PHACTR1: variants seen among roughly 807,000 people sequenced by gnomAD.
PHACTR1 encodes the protein phosphatase and actin regulator 1, also known as RPEL repeat containing 1.
Under a neutral mutation model 69.2 loss-of-function variants are expected in PHACTR1, and 16 were observed. The ratio of observed to expected loss-of-function variants is 0.23; its 90% CI spans 0.16 to 0.35. The LOEUF (loss-of-function observed/expected upper bound fraction) is 0.35. PHACTR1 is among the 10% of genes least tolerant of loss of function. PHACTR1 has a pLI of 1.00. For missense variants in PHACTR1, 510 were observed against 734.7 expected, an observed-to-expected ratio of 0.69 and a Z score of 3.54; for synonymous variants, 312 against 284.5, an observed-to-expected ratio of 1.10 and a Z score of -0.97.
chr6:12,934,743 G>A (rs1789249586), intron 4 of PHACTR1, among the ~76,000 whole-genome samples: 1 of 152,070 alleles, frequency 6.6e-6, no homozygotes, highest in African/African-American at 2.4e-5. Flanking sequence ...GACTGGGGCA[G>A]GAGAATCGCT....
intron 4 of PHACTR1, among the ~76,000 whole-genome samples, chr6:13,043,222 T>C (rs1276874946): frequency 6.6e-6 from 1 of 152,010 alleles, no homozygotes; most frequent in Non-Finnish European, 1.5e-5. Context: ...AGGTCAGGGG[T>C]GCGAGACCAG....
chr6:13,216,353 A>G (rs1443539070), intron 8 of PHACTR1, among the ~76,000 whole-genome samples: 1 of 152,218 alleles, frequency 6.6e-6, no homozygotes, highest in Non-Finnish European at 1.5e-5. Context: ...AGTCTAAATA[A>G]TTATTGTATT....
chr6:12,824,395 C>T (rs1036052275), intron 4 of PHACTR1, among the ~76,000 whole-genome samples: 1 of 152,100 alleles, frequency 6.6e-6, no homozygotes, highest in Non-Finnish European at 1.5e-5. Flanking sequence ...CTTGAATCAT[C>T]CCAAAATCAT....
At chr6:12,964,643 T>C (rs1562064368) in intron 4 of PHACTR1, among the ~76,000 whole-genome samples, 1 of 152,146 alleles carries the variant, frequency 6.6e-6, no homozygotes. Flanking sequence ...AGAAGTGACA[T>C]GGTCAGAGTT....
chr6:12,791,060 T>C (rs547526724), intron 4 of PHACTR1, among the ~76,000 whole-genome samples: 14 of 152,312 alleles, frequency 9.2e-5, no homozygotes, highest in African/African-American at 2.9e-4. Flanking sequence ...TTATATGTCA[T>C]GCATTGGGAT....
At chr6:13,213,021 C>T (rs559942959) in intron 8 of PHACTR1, among the ~76,000 whole-genome samples, 27 of 152,274 alleles carry the variant, frequency 1.8e-4, no homozygotes, top group Non-Finnish European at 3.4e-4. Flanking sequence ...ATACAGTCCA[C>T]AAGGGCAGGA....
At chr6:13,237,387 A>T (rs996899265) in intron 10 of PHACTR1, among the ~76,000 whole-genome samples, 4 of 152,098 alleles carry the variant, frequency 2.6e-5, no homozygotes, top group Non-Finnish European at 4.4e-5. Context: ...TAAAAAAAAA[A>T]TGAGATAGGC....
At chr6:13,277,056 G>A (rs1779076494) in intron 11 of PHACTR1, among the ~76,000 whole-genome samples, 1 of 152,178 alleles carries the variant, frequency 6.6e-6, no homozygotes, top group Admixed American at 6.5e-5. Context: ...GACTTCCATA[G>A]TTTTTCCAAG....
intron 4 of PHACTR1, among the ~76,000 whole-genome samples, chr6:12,989,940 G>T (rs1053370732): frequency 2.0e-5 from 3 of 152,196 alleles, no homozygotes; most frequent in Non-Finnish European, 2.9e-5. Context: ...ACATTTCAGT[G>T]TTCTAAAGGA....
At chr6:12,946,366 G>A (rs1790672291) in intron 4 of PHACTR1, among the ~76,000 whole-genome samples, 1 of 152,134 alleles carries the variant, frequency 6.6e-6, no homozygotes, top group Non-Finnish European at 1.5e-5. Flanking sequence ...AGGGTGTCAT[G>A]TACTAACCTG....
intron 4 of PHACTR1, among the ~76,000 whole-genome samples, chr6:12,776,347 C>A (rs563593664): frequency 3.3e-5 from 5 of 152,188 alleles, no homozygotes; most frequent in Non-Finnish European, 7.3e-5. Context: ...AGAAAATAAT[C>A]TTTCTACTTG....
intron 3 of PHACTR1, among the ~76,000 whole-genome samples, chr6:12,724,659 G>T (rs906980933): frequency 5.3e-5 from 8 of 152,250 alleles, no homozygotes; most frequent in African/African-American, 1.9e-4. Context: ...ATCAGCAAAG[G>T]TAACTTCCCT....
At chr6:13,175,676 A>G (rs12525914) in intron 6 of PHACTR1, among the ~76,000 whole-genome samples, 27,744 of 152,152 alleles carry the variant, frequency 0.18, 3,339 homozygotes, top group Non-Finnish European at 0.27. Context: ...CGGAAAAAGC[A>G]TTCTCTTCCC....
chr6:13,120,889 A>G (rs925766132), intron 5 of PHACTR1, among the ~76,000 whole-genome samples: 2 of 152,184 alleles, frequency 1.3e-5, no homozygotes, highest in African/African-American at 2.4e-5. Context: ...ATGTCTTCAC[A>G]TTTGTATCAT....
intron 3 of PHACTR1, chr6:12,749,306 CG>C (rs1340400148): frequency 4.9e-6 from 2 of 404,608 alleles, no homozygotes; most frequent in Non-Finnish European, 9.5e-6. Context: ...AGGCGGGAGG[CG>C]GGGTGTCAGC....
At chr6:12,728,521 G>C (rs1763085255) in intron 3 of PHACTR1, among the ~76,000 whole-genome samples, 1 of 152,066 alleles carries the variant, frequency 6.6e-6, no homozygotes, top group Non-Finnish European at 1.5e-5. Flanking sequence ...GAATTGCACA[G>C]CTCTGAGTTC....
chr6:13,278,054 C>A (rs1045736618), intron 11 of PHACTR1: 14 of 385,508 alleles, frequency 3.6e-5, no homozygotes, highest in Non-Finnish European at 5.8e-5. Flanking sequence ...GGCAAAATGA[C>A]AAGGTCAGCC....
intron 4 of PHACTR1, among the ~76,000 whole-genome samples, chr6:12,780,645 A>G (rs1045798742): frequency 6.6e-6 from 1 of 152,186 alleles, no homozygotes; most frequent in Admixed American, 6.5e-5. Context: ...CTGAGCGTAA[A>G]CAGCGACATG....
At position 13,233,257 on chromosome 6, in the gene PHACTR1, G is replaced by A. The variant is rs180695169; in HGVS notation, c.1391+3064G>A. 2.9e-3 allele frequency among the ~76,000 whole-genome samples: 441 copies of A among 152,056 alleles called. 3 individuals carry two copies. The highest frequency in any genetic ancestry group is 9.9e-3 in the African/African-American group (412 of 41,462). On this transcript the variant is annotated intron_variant, in intron 10 of 14. Transcript: ENST00000332995. ...CCAGAGGTGGGAAGAGACATAAACCGTCCATGCCCTGAAAGAAGTTATCTG... is the reference window on the plus strand; with the variant it reads ...CCAGAGGTGGGAAGAGACATAAACCATCCATGCCCTGAAAGAAGTTATCTG...
Sources: gnomAD v4.1 joint callset for allele counts (sites outside exome capture counted in the v4.1 genomes callset) on GRCh38, gnomAD v4.1.1 for gene constraint, MANE v1.5 for transcripts, NCBI Gene and HGNC (gene_info 2026-07-23, HGNC 2026-07-21) for gene names.